Variants in MRPL39 observed in about 807,000 individuals in gnomAD.
MRPL39 encodes mitochondrial ribosomal protein L39.
A neutral mutation model predicts 44.5 loss-of-function variants in MRPL39; 35 were observed. The observed-to-expected ratio is 0.79, with a 90% confidence interval of 0.60 to 1.04. The LOEUF is 1.04. MRPL39 is among the 50% of genes least tolerant of loss of function. The probability of loss-of-function intolerance (pLI) is 0.00; values close to 1 mark genes in which losing one functional copy is unlikely to be tolerated. For synonymous variants in MRPL39, 139 were observed against 136.1 expected (o/e 1.02, Z -0.15); for missense variants, 433 against 413.5 (o/e 1.05, Z -0.41).
At chr21:25,607,716 C>G (rs1049700214), upstream of MRPL39, among the ~76,000 whole-genome samples, 6 of 152,186 alleles carry the variant, frequency 3.9e-5, no homozygotes, top group Non-Finnish European at 8.8e-5. Context: ...GGTGCAGGGC[C>G]CCCAGGGCGG....
At position 25,585,750 on chromosome 21, in the gene MRPL39, GT is replaced by G; in HGVS notation, c.973del (p.Thr325LeufsTer24). ...KLLERSRKMVTEDQSKATEEC... is the reference protein window; with the variant it reads ...KLLERSRKMVXEDQSKATEEC... Reference sequence around the variant, plus strand: ...CTCTGTTGCTTTACTTTGATCTTCAGTTACCTGTAAAAACATGAATAGCTTT... The same window carrying G: ...CTCTGTTGCTTTACTTTGATCTTCAGTACCTGTAAAAACATGAATAGCTTT... On this transcript the variant is annotated frameshift_variant, in exon 10 of 10. Transcript: ENST00000352957. LOFTEE classifies it high-confidence loss of function. 1 of 1,582,848 alleles carries G rather than the reference GT, an allele frequency of 6.3e-7. No homozygotes were observed. The highest frequency in any genetic ancestry group is 8.6e-7 in the Non-Finnish European group (1 of 1,160,200).
rs759865402 is a variant in MRPL39 at position 25,587,739 on chromosome 21, G to A, written c.969+1096C>T. On this transcript the variant is annotated intron_variant, in intron 9 of 9. Transcript: ENST00000352957. ...CATGGAGGAGGTACGACTCAGGCGA[G>A]GTAGTGAAGAATGACTGCGTAGTAA... 8.1e-6 allele frequency: 13 copies of A among 1,612,924 alleles called. No individual in the cohort carries two copies. In the Admixed American group the frequency reaches 8.3e-5, roughly 10 times the overall value.
chr21:25,596,135 T>C (rs8134873), intron 6 of MRPL39, among the ~76,000 whole-genome samples: 61 of 152,156 alleles, frequency 4.0e-4, no homozygotes, highest in African/African-American at 1.5e-3. Context: ...GTCTCGCTCT[T>C]TCGCCCAGGC....
At position 25,594,239 on chromosome 21, in the gene MRPL39, TTTCTTTG is replaced by T. The variant is rs1170282702; in HGVS notation, c.702-288_702-282del. ...AATGTGTTCTTTCTTTCCATTTTTA[TTTCTTTG>T]TTCTTTTTTTTTTTTTTTTTTTTGA... On this transcript the variant is annotated intron_variant, in intron 6 of 9. Transcript: ENST00000352957. Among the ~76,000 whole-genome samples, 18 of 126,866 alleles carry T rather than the reference TTTCTTTG, an allele frequency of 1.4e-4. 5 individuals are homozygous for T. The highest frequency in any genetic ancestry group is 2.2e-4 in the Non-Finnish European group (14 of 62,532). The allele number at this position is 126,866 out of a possible 152,430, so 83.2% of individuals were successfully genotyped here. A position where few individuals can be genotyped will look rare whatever the true frequency, so the allele number is the denominator to read the frequency against.
intron 6 of MRPL39, among the ~76,000 whole-genome samples, chr21:25,595,238 T>C (rs1180460884): frequency 2.0e-5 from 3 of 152,204 alleles, no homozygotes. Context: ...CACTGACTGC[T>C]ACAGTCCCCC....
intron 9 of MRPL39, among the ~76,000 whole-genome samples, chr21:25,588,002 A>G (rs2123222199): frequency 6.6e-6 from 1 of 152,292 alleles, no homozygotes; most frequent in Non-Finnish European, 1.5e-5. Context: ...AAACAGGAAT[A>G]GTTGTGGTCA....
chr21:25,599,641 GATA>G (rs2031462364), intron 5 of MRPL39, among the ~76,000 whole-genome samples, 155 bp downstream of exon 5: 1 of 152,152 alleles, frequency 6.6e-6, no homozygotes, highest in African/African-American at 2.4e-5. Context: ...TAGATAGATA[GATA>G]GACAGACAGA....
chr21:25,588,751 AT>A (rs145112563), intron 9 of MRPL39, 83 bp downstream of exon 9: 14 of 1,273,394 alleles, frequency 1.1e-5, no homozygotes, highest in Admixed American at 4.1e-5. Flanking sequence ...TGTTTCTTTC[AT>A]TTTTCCCCCC....
chr21:25,607,054 C>A (rs531086780), intron 1 of MRPL39, among the ~76,000 whole-genome samples: 3 of 152,224 alleles, frequency 2.0e-5, no homozygotes, highest in Non-Finnish European at 2.9e-5. Context: ...GTTTATATCC[C>A]AAAGGCCAAA....
In MRPL39 at chr21:25,603,918, A is replaced by T. The variant is rs936188985; in HGVS notation, c.298T>A (p.Cys100Ser). 3 of 1,609,044 alleles carry T rather than the reference A, an allele frequency of 1.9e-6. No homozygotes were observed. The highest frequency in any genetic ancestry group is 2.7e-5 in the African/African-American group (2 of 74,572). Residue 100 changes from cysteine (C) to serine (S), a missense_variant, in exon 3 of 10, where the codon TGC (cysteine) becomes AGC (serine). By Grantham distance (112) the Cys-to-Ser change is moderately radical (BLOSUM62 -1). Coordinates refer to ENST00000352957, the MANE Select transcript of MRPL39 (RefSeq NM_017446.4). Reference sequence around the variant, plus strand: ...ACCAGAGCCAGAATGGACTTCCTGCAATACCACTCGCTTAAATCTAGAAAT... The same window carrying T: ...ACCAGAGCCAGAATGGACTTCCTGCTATACCACTCGCTTAAATCTAGAAAT... ...SCAMHLSEWY[C>S]RKSILALVDG... is the part of the protein sequence containing the mutation.
At chr21:25,595,435 A>G (rs1568862652) in intron 6 of MRPL39, among the ~76,000 whole-genome samples, 1 of 152,148 alleles carries the variant, frequency 6.6e-6, no homozygotes, top group Non-Finnish European at 1.5e-5. Context: ...TTCCTCCAGA[A>G]TTATCCCCTT....
At chr21:25,588,311 CA>C (rs59677467) in intron 9 of MRPL39, among the ~76,000 whole-genome samples, 91,975 of 145,798 alleles carry the variant, frequency 0.63, 30,153 homozygotes, top group Non-Finnish European at 0.75. Context: ...GACTCTGTCT[CA>C]AAAAAAAAAA....
At position 25,593,900 on chromosome 21, in the gene MRPL39, G is replaced by A. The variant is rs1190297138; in HGVS notation, c.760C>T (p.Leu254=). ...TTTTAGACTTTTACTTACCTGTGTA[G>A]CTTGACTATTCTCTCAGGGTTCTGA... ...ASQNPERIVK[L]HRIGDFIDVS... The change falls in exon 7 of 10, where the codon CTA becomes TTA. Residue 254 remains leucine, a synonymous_variant. Coordinates refer to ENST00000352957, the MANE Select transcript of MRPL39 (RefSeq NM_017446.4). 1.2e-6 allele frequency: 2 copies of A among 1,613,074 alleles called. No individual in the cohort carries two copies. Among genetic ancestry groups the A allele is most frequent in the Middle Eastern group, 1.6e-4 (1 of 6,080 alleles).
chr21:25,593,947 T>C lies in MRPL39; in HGVS notation c.713A>G (p.Asp238Gly). 6.2e-7 allele frequency: 1 copy of C among 1,613,610 alleles called. No individual in the cohort carries two copies. Among genetic ancestry groups the C allele is most frequent in the Non-Finnish European group, 8.5e-7 (1 of 1,179,868 alleles). The part of the protein sequence containing the change: ...EIFQHSKYKV[D>G]FIEEKASQNP... ...CTGAGATGCCTTCTCTTCTATGAAA[T>C]CTACTTTGTACCTGAAAAGCAGCAA... is the stretch of plus-strand genomic sequence containing the variant. Residue 238 changes from aspartate to glycine, a missense_variant, in exon 7 of 10, where the codon GAT becomes GGT. Asp to Gly is a moderately conservative substitution (Grantham distance 94). Transcript: ENST00000352957.
rs756670600 is a variant in MRPL39 at position 25,601,398 on chromosome 21, C to T, written c.490G>A (p.Val164Ile). 6.2e-7 allele frequency: 1 copy of T among 1,610,556 alleles called. No homozygotes were observed. The highest frequency in any genetic ancestry group is 1.1e-5 in the South Asian group (1 of 90,700). Reference sequence around the variant, plus strand: ...ACTTCTGGAGCTCTGACCAAATTGACCATATATTCATCTTTGAATGCCCTC... The same window carrying T: ...ACTTCTGGAGCTCTGACCAAATTGATCATATATTCATCTTTGAATGCCCTC... The part of the protein sequence containing the change: ...IERAFKDEYM[V>I]NLVRAPEVPV... Residue 164 changes from valine to isoleucine, a missense_variant, in exon 4 of 10, where the codon GTC becomes ATC. Transcript: ENST00000352957.
chr21:25,601,072 C>T (rs772260614), intron 4 of MRPL39, among the ~76,000 whole-genome samples: 5 of 149,258 alleles, frequency 3.3e-5, no homozygotes, highest in Non-Finnish European at 5.9e-5. Flanking sequence ...CACGCCACTG[C>T]ACTCCAGCCT....
Position 25,592,829 on chromosome 21 carries a change from A to G in MRPL39, c.904T>C (p.Leu302=), listed in dbSNP as rs1320485714. 1 of 1,611,586 alleles carries G rather than the reference A, an allele frequency of 6.2e-7. No individual in the cohort carries two copies. The highest frequency in any genetic ancestry group is 2.2e-5 in the East Asian group (1 of 44,852). Residue 302 remains leucine, a synonymous_variant, in exon 8 of 10, where the codon TTA becomes CTA. Transcript: ENST00000352957. The part of the protein sequence containing the change: ...SLIRRFQGVS[L]PVHLRAHFTI... The stretch of plus-strand genomic sequence containing the variant: ...TTACTTACTCTTAAGTGAACAGGTA[A>G]AGACACGCCCTGGAATCTTCGTATG...
intron 8 of MRPL39, among the ~76,000 whole-genome samples, chr21:25,589,810 A>C (rs757820921): frequency 6.9e-5 from 7 of 101,216 alleles, no homozygotes; most frequent in Non-Finnish European, 1.6e-4. Context: ...GGTATGTTTA[A>C]AGGGAAAACC....
chr21:25,603,790 A>T lies in MRPL39; in HGVS notation c.420+6T>A, dbSNP rs1416323162. On this transcript the variant is annotated splice_donor_region_variant and intron_variant, in intron 3 of 9. Transcript: ENST00000352957. ...AAATAGAAAAAGAATGTAGAGATAG[A>T]AATACCTTATTCACTTCTCCTGGAT... The T allele has an allele frequency of 6.3e-7, 1 of 1,599,880 alleles. No homozygotes were observed. The highest frequency in any genetic ancestry group is 8.5e-7 in the Non-Finnish European group (1 of 1,175,022).
Sources: allele counts gnomAD v4.1 joint callset (sites outside exome capture counted in the v4.1 genomes callset), GRCh38; gene constraint gnomAD v4.1.1; transcripts MANE v1.5; gene names NCBI Gene and HGNC (gene_info 2026-07-23, HGNC 2026-07-21).